The following RBFOX1 variants were observed in gnomAD, a reference collection of about 807,000 sequenced individuals.
The protein encoded by RBFOX1 is RNA binding fox-1 homolog 1, also known as RNA binding protein fox-1 homolog 1.
A neutral mutation model predicts 57.7 loss-of-function variants in RBFOX1; 8 were observed. The ratio of observed to expected loss-of-function variants is 0.14; its 90% confidence interval spans 0.08 to 0.25. The LOEUF (loss-of-function observed/expected upper bound fraction) is 0.25. Among genes scored for constraint, RBFOX1 ranks in the 10% least tolerant of loss-of-function variants. The pLI is 1.00. For synonymous variants in RBFOX1, 326 were observed against 222.4 expected, an observed-to-expected ratio of 1.47 and a Z score of -4.15; for missense variants, 611 against 548.5, an observed-to-expected ratio of 1.11 and a Z score of -1.14.
intron 4 of RBFOX1, among the ~76,000 whole-genome samples, chr16:7,112,187 A>C (rs867342109): frequency 2.4e-4 from 37 of 152,270 alleles, no homozygotes; most frequent in African/African-American, 8.4e-4. Context: ...TTTCTATGTC[A>C]TCCATCTTGT....
At chr16:6,916,811 G>A (rs112483318) in intron 3 of RBFOX1, among the ~76,000 whole-genome samples, 2 of 152,052 alleles carry the variant, frequency 1.3e-5, no homozygotes, top group East Asian at 1.9e-4. Context: ...TTCGAAGTTT[G>A]AATTTGTACC....
intron 4 of RBFOX1, among the ~76,000 whole-genome samples, chr16:7,143,809 T>A (rs763561652): frequency 2.6e-5 from 4 of 152,190 alleles, no homozygotes; most frequent in Non-Finnish European, 4.4e-5. Context: ...GTATACTGCT[T>A]ATACACAGTA....
intron 12 of RBFOX1, among the ~76,000 whole-genome samples, chr16:7,657,940 T>G (rs1043682283): frequency 8.5e-5 from 13 of 152,214 alleles, no homozygotes; most frequent in Admixed American, 8.5e-4. Context: ...ACACTGGATT[T>G]AAGGTAAATA....
intron 3 of RBFOX1, among the ~76,000 whole-genome samples, chr16:7,046,124 G>T (rs1466012542): frequency 6.6e-6 from 1 of 152,120 alleles, no homozygotes; most frequent in African/African-American, 2.4e-5. Flanking sequence ...CATTAAGAAG[G>T]AAGCATTGCC....
intron 2 of RBFOX1, among the ~76,000 whole-genome samples, chr16:6,323,761 T>C (rs976615079): frequency 1.1e-4 from 16 of 151,978 alleles, no homozygotes; most frequent in Non-Finnish European, 1.9e-4. Flanking sequence ...GTATGTTGCA[T>C]AGTAGTGAAG....
rs189188931 is a variant in RBFOX1 at position 7,150,262 on chromosome 16, A to C, written c.27+98164A>C. On this transcript the variant is annotated intron_variant, in intron 4 of 15. Transcript: ENST00000550418. ...TGTAAGAGGTAAAAGAGACGCCTCC[A>C]CCTATCTGTACAACCTTGGCTGTGT... Among the ~76,000 whole-genome samples, 737 of 152,256 alleles carry C rather than the reference A, an allele frequency of 4.8e-3. 12 individuals carry two copies. Among genetic ancestry groups the C allele is most frequent in the Non-Finnish European group, 6.0e-3 (410 of 68,020 alleles).
At chr16:5,430,668 G>A (rs2067704190) in intron 1 of RBFOX1, among the ~76,000 whole-genome samples, 1 of 152,202 alleles carries the variant, frequency 6.6e-6, no homozygotes, top group Non-Finnish European at 1.5e-5. Flanking sequence ...CTCAGGGCCT[G>A]GTCAAGGTAT....
intron 2 of RBFOX1, among the ~76,000 whole-genome samples, chr16:6,365,422 G>T (rs1406074195): frequency 6.6e-6 from 1 of 151,956 alleles, no homozygotes; most frequent in African/African-American, 2.4e-5. Context: ...ATGGGTAGGT[G>T]GATGGGTAGA....
intron 3 of RBFOX1, 42 bp downstream of exon 3, chr16:6,654,692 A>T (rs2098633509): frequency 6.9e-7 from 1 of 1,447,718 alleles, no homozygotes; most frequent in Non-Finnish European, 9.2e-7. Context: ...AAACAAAACA[A>T]GAACTCTGTG....
At chr16:6,647,681 T>C (rs1010322235) in intron 2 of RBFOX1, among the ~76,000 whole-genome samples, 1 of 152,194 alleles carries the variant, frequency 6.6e-6, no homozygotes, top group Non-Finnish European at 1.5e-5. Context: ...CAGTCCATCA[T>C]ACTACGTGTT....
chr16:7,192,665 A>G lies in RBFOX1; in HGVS notation c.27+140567A>G, dbSNP rs184643205. On this transcript the variant is annotated intron_variant, in intron 4 of 15. Transcript: ENST00000550418. ...AGATCATAGTATTGTTTCGACGTCA[A>G]TTTCCTGGTACCCATCATTGTATTA... is the stretch of plus-strand genomic sequence containing the variant. Among the ~76,000 whole-genome samples, 8 of 152,288 alleles carry G rather than the reference A, an allele frequency of 5.3e-5. No individual in the cohort carries two copies. The East Asian group carries it at 9.6e-4, about 18-fold the overall frequency.
chr16:7,688,156 A>G (rs957416854), intron 14 of RBFOX1, among the ~76,000 whole-genome samples: 1 of 151,774 alleles, frequency 6.6e-6, no homozygotes, highest in East Asian at 1.9e-4. Flanking sequence ...GCTGCCATCT[A>G]CCAGGCCAGA....
intron 4 of RBFOX1, among the ~76,000 whole-genome samples, chr16:7,269,431 G>A (rs1156380350): frequency 6.6e-6 from 1 of 151,988 alleles, no homozygotes; most frequent in Non-Finnish European, 1.5e-5. Context: ...CTCTTTTTGG[G>A]GTCTCTGTGT....
intron 4 of RBFOX1, among the ~76,000 whole-genome samples, chr16:5,882,685 C>G (rs1306395075): frequency 6.6e-6 from 1 of 152,168 alleles, no homozygotes; most frequent in Admixed American, 6.5e-5. Flanking sequence ...CCCCATGGTG[C>G]CTGGACTGAA....
At chr16:7,190,197 C>G (rs2085027845) in intron 4 of RBFOX1, among the ~76,000 whole-genome samples, 1 of 151,974 alleles carries the variant, frequency 6.6e-6, no homozygotes, top group African/African-American at 2.4e-5. Flanking sequence ...CCCGTCTCTA[C>G]TAAAAATACA....
At chr16:6,811,923 C>A (rs529095113) in intron 3 of RBFOX1, among the ~76,000 whole-genome samples, 69 of 152,124 alleles carry the variant, frequency 4.5e-4, no homozygotes, top group African/African-American at 1.5e-3. Context: ...AAATATAAGG[C>A]ACAGAAAAAA....
chr16:6,744,021 A>G (rs1603499783), intron 3 of RBFOX1, among the ~76,000 whole-genome samples: 1 of 151,988 alleles, frequency 6.6e-6, no homozygotes, highest in East Asian at 1.9e-4. Context: ...AATAAAGTGT[A>G]TTTCTTTCCT....
intron 4 of RBFOX1, among the ~76,000 whole-genome samples, chr16:7,245,529 C>G (rs755881502): frequency 6.6e-6 from 1 of 152,080 alleles, no homozygotes; most frequent in African/African-American, 2.4e-5. Flanking sequence ...TTATGATTTG[C>G]AAAACGTATT....
intron 3 of RBFOX1, among the ~76,000 whole-genome samples, chr16:6,717,360 A>C (rs962859026): frequency 1.3e-5 from 2 of 152,172 alleles, no homozygotes; most frequent in Non-Finnish European, 2.9e-5. Context: ...AAGGTAGTTC[A>C]AGATGTATTA....
Sources: gnomAD v4.1 joint callset for allele counts (sites outside exome capture counted in the v4.1 genomes callset) on GRCh38, gnomAD v4.1.1 for gene constraint, MANE v1.5 for transcripts, NCBI Gene and HGNC (gene_info 2026-07-23, HGNC 2026-07-21) for gene names.